The following NAALADL2 variants were observed in gnomAD, a reference collection of about 807,000 sequenced individuals.
NAALADL2 encodes N-acetylated alpha-linked acidic dipeptidase like 2, also known as inactive N-acetylated-alpha-linked acidic dipeptidase-like protein 2.
NAALADL2 carries 76 observed loss-of-function variants against 87.2 expected under a neutral mutation model. The observed-to-expected ratio is 0.87, with a 90% CI of 0.72 to 1.05. The LOEUF is 1.05. Among genes scored for constraint, NAALADL2 ranks in the 50% least tolerant of loss-of-function variants. NAALADL2 has a pLI of 0.00. For missense variants in NAALADL2, 1,089 were observed against 945.8 expected (o/e 1.15, Z -1.99); for synonymous variants, 354 against 331.0 (o/e 1.07, Z -0.75).
At chr3:175,499,186 G>A (rs923925736) in intron 9 of NAALADL2, among the ~76,000 whole-genome samples, 17 of 151,926 alleles carry the variant, frequency 1.1e-4, no homozygotes, top group African/African-American at 4.1e-4. Flanking sequence ...ATATTCAAAG[G>A]GCCTTAGTGC....
At chr3:175,505,871 T>G (rs2149381248) in intron 9 of NAALADL2, among the ~76,000 whole-genome samples, 1 of 152,264 alleles carries the variant, frequency 6.6e-6, no homozygotes, top group South Asian at 2.1e-4. Flanking sequence ...TACCAAAGAC[T>G]TACATCATTG....
In NAALADL2 at chr3:174,787,604, T is replaced by TATATACATATATATATATATATACAC. The variant is rs1560225762; in HGVS notation, c.-9+49863_-9+49864insCATATATATATATATATACACATATA. On this transcript the variant is annotated intron_variant, in intron 3 of 3. Coordinates refer to the NAALADL2 transcript ENST00000434257. Reference sequence around the variant, plus strand: ...ATATATATATATATATATATATATATATATATATATATATATAGTAGTGAC... The same window carrying TATATACATATATATATATATATACAC: ...ATATATATATATATATATATATATATATATACATATATATATATATATACACATATATATATATATATAGTAGTGAC... Among the ~76,000 whole-genome samples, 5 of 87,938 alleles carry TATATACATATATATATATATATACAC rather than the reference T, an allele frequency of 5.7e-5. 1 individual carries two copies. Among genetic ancestry groups the TATATACATATATATATATATATACAC allele is most frequent in the East Asian group, 5.2e-4 (1 of 1,906 alleles). 57.7% of individuals were successfully genotyped at this position (87,938 alleles called of 152,430 possible).
chr3:175,498,901 A>G (rs1175663681), intron 9 of NAALADL2, among the ~76,000 whole-genome samples: 1 of 152,112 alleles, frequency 6.6e-6, no homozygotes, highest in Non-Finnish European at 1.5e-5. Flanking sequence ...CAATCATGGT[A>G]AAGCACACCT....
At chr3:175,166,621 C>G (rs1734045536) in intron 2 of NAALADL2, among the ~76,000 whole-genome samples, 1 of 151,712 alleles carries the variant, frequency 6.6e-6, no homozygotes. Context: ...GACATCATAT[C>G]CTCTCCTTTA....
At chr3:175,201,851 A>G (rs1740088760) in intron 2 of NAALADL2, among the ~76,000 whole-genome samples, 1 of 151,920 alleles carries the variant, frequency 6.6e-6, no homozygotes, top group Non-Finnish European at 1.5e-5. Context: ...GGAATGGCAG[A>G]GAGGAAAATT....
chr3:174,830,171 T>C (rs1290158614), intron 3 of NAALADL2, among the ~76,000 whole-genome samples: 1 of 139,192 alleles, frequency 7.2e-6, no homozygotes, highest in Non-Finnish European at 1.5e-5. Context: ...TTTTGGTGTT[T>C]TAGACATGAA....
rs189959813 is a variant in NAALADL2, at chr3:174,614,825, A to C, written c.-115+64188A>C. On this transcript the variant is annotated intron_variant, in intron 2 of 3. Coordinates refer to the NAALADL2 transcript ENST00000434257. ...TTGTTTTTTTAGAAATTCTTAGTGT[A>C]TTGTCTTTTTCCTAGAGTGTCTAAA... 1.1e-3 allele frequency among the ~76,000 whole-genome samples: 170 copies of C among 152,030 alleles called. 4 individuals are homozygous for C. Among genetic ancestry groups the C allele is most frequent in the South Asian group, 4.4e-3 (21 of 4,804 alleles).
intron 2 of NAALADL2, among the ~76,000 whole-genome samples, chr3:174,577,406 T>C (rs567153686): frequency 1.3e-5 from 2 of 152,276 alleles, no homozygotes; most frequent in South Asian, 4.1e-4. Context: ...TTGGAAAGAT[T>C]GTACAGTGAC....
rs565488662 is a variant in NAALADL2 at position 175,733,773 on chromosome 3, G to A, written c.1897-3533G>A. On this transcript the variant is annotated intron_variant, in intron 11 of 13. Transcript: ENST00000454872. ...CTTCTTAGATACAATGAGGTCTCAG[G>A]TATTGGGTAAATACAGCCATTACAA... 6.3e-3 allele frequency among the ~76,000 whole-genome samples: 563 copies of A among 89,786 alleles called. 4 individuals are homozygous for A. The highest frequency in any genetic ancestry group is 0.026 in the African/African-American group (541 of 20,474). 58.9% of individuals were successfully genotyped at this position (89,786 alleles called of 152,430 possible).
chr3:175,116,542 C>T (rs1181182226), intron 2 of NAALADL2, among the ~76,000 whole-genome samples: 1 of 152,012 alleles, frequency 6.6e-6, no homozygotes, highest in Non-Finnish European at 1.5e-5. Flanking sequence ...TGAAGGACCT[C>T]TTCAAGGAGC....
intron 3 of NAALADL2, among the ~76,000 whole-genome samples, chr3:174,808,622 C>A: frequency 6.6e-6 from 1 of 152,056 alleles, no homozygotes; most frequent in East Asian, 1.9e-4. Context: ...AGGAACCTGG[C>A]CACTAATTTT....
chr3:175,615,460 AT>A (rs1257774510), intron 10 of NAALADL2, among the ~76,000 whole-genome samples: 1 of 152,242 alleles, frequency 6.6e-6, no homozygotes, highest in Admixed American at 6.5e-5. Flanking sequence ...GAGAGATAAA[AT>A]TATTGGTATC....
At chr3:175,343,662 T>TTTTTTTTTTTTTTG (rs1762816866) in intron 5 of NAALADL2, among the ~76,000 whole-genome samples, 1 of 137,368 alleles carries the variant, frequency 7.3e-6, no homozygotes, top group Non-Finnish European at 1.6e-5. Context: ...CATGTTTTTT[T>TTTTTTTTTTTTTTG]TTTTTTTTTT....
At chr3:174,795,883 T>G (rs1490883604) in intron 3 of NAALADL2, among the ~76,000 whole-genome samples, 1 of 152,208 alleles carries the variant, frequency 6.6e-6, no homozygotes, top group Non-Finnish European at 1.5e-5. Flanking sequence ...TTGGGTTGTG[T>G]TTTTATTGTT....
At position 175,180,468 on chromosome 3, in the gene NAALADL2, A is replaced by T. The variant is rs7649270; in HGVS notation, c.546-53463A>T. 8.6e-5 allele frequency among the ~76,000 whole-genome samples: 13 copies of T among 151,604 alleles called. No homozygotes were observed. The South Asian group carries it at 2.5e-3, about 29-fold the overall frequency. ...ACACAATTTGTAAGATAATTTTCAA[A>T]GCTTAATCATTGCTAGTGAAGGCAA... is the stretch of plus-strand genomic sequence containing the variant. On this transcript the variant is annotated intron_variant, in intron 2 of 13. Coordinates refer to ENST00000454872, the MANE Select transcript of NAALADL2 (RefSeq NM_207015.3).
chr3:174,954,828 A>G (rs1433832095), intron 1 of NAALADL2, among the ~76,000 whole-genome samples: 1 of 152,080 alleles, frequency 6.6e-6, no homozygotes, highest in Non-Finnish European at 1.5e-5. Context: ...AGACCTTGTA[A>G]GAGAAGTTCA....
chr3:175,729,541 T>C (rs1743382156), intron 11 of NAALADL2, among the ~76,000 whole-genome samples: 1 of 152,174 alleles, frequency 6.6e-6, no homozygotes, highest in South Asian at 2.1e-4. Context: ...CATTGCTGAG[T>C]GTTCAAACTG....
chr3:175,254,280 G>A (rs1749553490), intron 3 of NAALADL2, among the ~76,000 whole-genome samples: 1 of 152,086 alleles, frequency 6.6e-6, no homozygotes, highest in Non-Finnish European at 1.5e-5. Flanking sequence ...TAACATTGAG[G>A]CAAGACCTTT....
At chr3:175,596,243 T>C (rs1722227605) in intron 10 of NAALADL2, among the ~76,000 whole-genome samples, 1 of 151,932 alleles carries the variant, frequency 6.6e-6, no homozygotes, top group Non-Finnish European at 1.5e-5. Context: ...AAAGTAGAAG[T>C]CTGCATAAGC....
Sources: allele counts gnomAD v4.1 joint callset (sites outside exome capture counted in the v4.1 genomes callset), GRCh38; gene constraint gnomAD v4.1.1; transcripts MANE v1.5; gene names NCBI Gene and HGNC (gene_info 2026-07-23, HGNC 2026-07-21).